Variants in ZNF268 observed in about 807,000 individuals in gnomAD.
ZNF268 encodes the protein zinc finger protein 3.
Under a neutral mutation model 29.3 loss-of-function variants are expected in ZNF268, and 20 were observed. The ratio of observed to expected loss-of-function variants is 0.68; its 90% confidence interval spans 0.48 to 0.99. The LOEUF (loss-of-function observed/expected upper bound fraction) is 0.99. ZNF268 is among the 50% of genes least tolerant of loss of function. The probability of loss-of-function intolerance (pLI) is 0.00; values close to 1 mark genes in which losing one functional copy is unlikely to be tolerated. For missense variants in ZNF268, 1,240 were observed against 1,121.6 expected (o/e 1.11, Z -1.51); for synonymous variants, 429 against 376.9 (o/e 1.14, Z -1.60).
At chr12:133,187,281 AATTT>A (rs1303291974) in intron 2 of ZNF268, among the ~76,000 whole-genome samples, 6 of 150,172 alleles carry the variant, frequency 4.0e-5, no homozygotes, top group Non-Finnish European at 8.9e-5. Flanking sequence ...TTTTTTTCCT[AATTT>A]ATTTATTTAT....
chr12:133,191,445 C>A, intron 3 of ZNF268, 44 bp from the exon 4 acceptor site: 1 of 1,612,194 alleles, frequency 6.2e-7, no homozygotes, highest in Non-Finnish European at 8.5e-7. Flanking sequence ...TTTCCACAAA[C>A]CTAGTAAAAT....
intron 5 of ZNF268, among the ~76,000 whole-genome samples, chr12:133,194,881 C>T (rs1956557492): frequency 6.6e-6 from 1 of 152,352 alleles, no homozygotes; most frequent in Middle Eastern, 3.4e-3. Context: ...CATCCATCTT[C>T]AGATATTTGC....
intron 5 of ZNF268, among the ~76,000 whole-genome samples, chr12:133,195,190 A>G (rs1408575678): frequency 6.6e-6 from 1 of 152,082 alleles, no homozygotes; most frequent in Non-Finnish European, 1.5e-5. Flanking sequence ...CTCCAAGCAT[A>G]ATTTCCTTTT....
Position 133,204,386 on chromosome 12 carries a change from C to T in ZNF268, c.2700C>T (p.Thr900=). 1.3e-6 allele frequency: 2 copies of T among 1,571,408 alleles called. No homozygotes were observed. The highest frequency in any genetic ancestry group is 1.7e-6 in the Non-Finnish European group (2 of 1,162,828). The change falls in exon 6 of 6, where the codon ACC becomes ACT. Residue 900 remains threonine (T), a synonymous_variant. Coordinates refer to ENST00000536435, the MANE Select transcript of ZNF268 (RefSeq NM_003415.3). ...ATGGGTGCAATGAATGTGGGAAAAC[C>T]TTCTCTCAAAAATCAATTCTCAGTG... The part of the protein sequence containing the change: ...KPYGCNECGK[T]FSQKSILSAH...
chr12:133,204,512 T>C lies in ZNF268; in HGVS notation c.2826T>C (p.His942=), dbSNP rs1168496703. Residue 942 remains histidine, a synonymous_variant, in exon 6 of 6, where the codon CAT becomes CAC. Coordinates refer to ENST00000536435, the MANE Select transcript of ZNF268 (RefSeq NM_003415.3). ...AGCTCATTATGCATCAGAGAACTCATGTAGATGACAAACATTGATAATTTT... is the reference window on the plus strand; with the variant it reads ...AGCTCATTATGCATCAGAGAACTCACGTAGATGACAAACATTGATAATTTT... The part of the protein sequence containing the change: ...KSQLIMHQRT[H]VDDKH 7.3e-6 allele frequency: 11 copies of C among 1,508,814 alleles called. No homozygotes were observed. The East Asian group carries it at 7.4e-5, about 10-fold the overall frequency. 93.5% of individuals were successfully genotyped at this position (1,508,814 alleles called of 1,614,324 possible).
At chr12:133,184,544 T>C (rs1956259607) in intron 2 of ZNF268, 1 of 268,954 alleles carries the variant, frequency 3.7e-6, no homozygotes, top group Admixed American at 3.6e-5. Context: ...TTTAAGAGGG[T>C]ATTAATCCCA....
rs1223672116 is a variant in ZNF268, at chr12:133,205,144, TAAAAAAAAAA to T, written c.*634_*643del. On this transcript the variant is annotated 3_prime_UTR_variant, in exon 6 of 6. Transcript: ENST00000536435. ...TAACCTCACCTTAGAAGCTTCATTC[TAAAAAAAAAA>T]AAAAAAAAAAAAAAAAAAACCAACC... 7 of 42,310 alleles carry T rather than the reference TAAAAAAAAAA, an allele frequency of 1.7e-4. No homozygotes were observed. The South Asian group carries it at 4.2e-3, about 26-fold the overall frequency. The allele number at this position is 42,310 out of a possible 1,614,324, so 2.6% of individuals were successfully genotyped here.
At chr12:133,198,741 G>T (rs1956678619) in intron 5 of ZNF268, among the ~76,000 whole-genome samples, 3 of 149,926 alleles carry the variant, frequency 2.0e-5, no homozygotes, top group African/African-American at 7.4e-5. Context: ...TCCTTGAAGA[G>T]GTCCTTCACA....
Position 133,203,734 on chromosome 12 carries a change from T to C in ZNF268, c.2048T>C (p.Leu683Pro), listed in dbSNP as rs368574793. ...CAKTFSLKSQLIVHQRSHTGV... is the reference protein window; with the variant it reads ...CAKTFSLKSQPIVHQRSHTGV... ...AAAACCTTTAGTTTGAAGTCCCAGCTCATTGTACATCAGAGAAGTCACACA... is the reference window on the plus strand; with the variant it reads ...AAAACCTTTAGTTTGAAGTCCCAGCCCATTGTACATCAGAGAAGTCACACA... The change falls in exon 6 of 6, where the codon CTC becomes CCC. Residue 683 changes from leucine (L) to proline (P), a missense_variant. By Grantham distance (98) the Leu-to-Pro change is moderately conservative (BLOSUM62 -3). Transcript: ENST00000536435. The C allele has an allele frequency of 7.3e-5, 113 of 1,553,790 alleles. No individual in the cohort carries two copies. Among genetic ancestry groups the C allele is most frequent in the Non-Finnish European group, 9.2e-5 (106 of 1,155,938 alleles).
At chr12:133,182,930 G>C (rs1178678717) in intron 2 of ZNF268, among the ~76,000 whole-genome samples, 1 of 152,204 alleles carries the variant, frequency 6.6e-6, no homozygotes, top group Non-Finnish European at 1.5e-5. Context: ...CTTCAGACTG[G>C]TACCAGTCTG....
At chr12:133,183,163 G>A (rs1385755079) in intron 2 of ZNF268, among the ~76,000 whole-genome samples, 2 of 152,172 alleles carry the variant, frequency 1.3e-5, no homozygotes, top group African/African-American at 2.4e-5. Context: ...CGCCGCACCC[G>A]ACTGCCCGTC....
At chr12:133,192,161 G>A in intron 5 of ZNF268, 158 bp downstream of exon 5, 1 of 585,870 alleles carries the variant, frequency 1.7e-6, no homozygotes, top group Non-Finnish European at 2.9e-6. Flanking sequence ...AGGCTGGGGT[G>A]CAGTGGCGTG....
chr12:133,184,102 C>T lies in ZNF268; in HGVS notation c.33+2072C>T, dbSNP rs561304230. 8.7e-5 allele frequency among the ~76,000 whole-genome samples: 13 copies of T among 150,254 alleles called. No homozygotes were observed. In the East Asian group the frequency reaches 2.5e-3, roughly 29 times the overall value. On this transcript the variant is annotated intron_variant, in intron 2 of 5. Transcript: ENST00000536435. ...TGAATTTGGTATCTGATGAGGCCTG[C>T]TTTCTTGTTTTCTTTTTTTTTTTGG...
chr12:133,214,701 A>G lies in ZNF268; in HGVS notation c.*10171A>G, dbSNP rs1324114082. On this transcript the variant is annotated 3_prime_UTR_variant, in exon 6 of 6. Coordinates refer to ENST00000536435, the MANE Select transcript of ZNF268 (RefSeq NM_003415.3). ...GGAGGATTTCCTTTGGGGTGATGAA[A>G]CTATTTTGGAACTAAGAGGTGGTGG... 1 of 152,202 alleles carries G rather than the reference A, an allele frequency of 6.6e-6. No individual in the cohort carries two copies. Among genetic ancestry groups the G allele is most frequent in the African/African-American group, 2.4e-5 (1 of 41,450 alleles). 9.4% of individuals were successfully genotyped at this position (152,202 alleles called of 1,614,324 possible). A position where few individuals can be genotyped will look rare whatever the true frequency, so the allele number is the denominator to read the frequency against.
rs776383177 is a variant in ZNF268, at chr12:133,203,281, A to G, written c.1595A>G (p.Asn532Ser). 34 of 1,539,318 alleles carry G rather than the reference A, an allele frequency of 2.2e-5. No homozygotes were observed. Among genetic ancestry groups the G allele is most frequent in the Middle Eastern group, 1.7e-4 (1 of 6,012 alleles). The change falls in exon 6 of 6, where the codon AAT (asparagine) becomes AGT (serine). Residue 532 changes from asparagine to serine, a missense_variant. Physicochemically the swap from Asn to Ser is conservative, Grantham distance 46. Coordinates refer to ENST00000536435, the MANE Select transcript of ZNF268 (RefSeq NM_003415.3). ...GGAGAAAAACTCCATGAATGCAACA[A>G]TTGTGGGAAAGCCTTCAGTTTTAAA... The part of the protein sequence containing the change: ...HTGEKLHECN[N>S]CGKAFSFKSQ...
In ZNF268 at chr12:133,205,175, C is replaced by CAAAAAAAAAAAAAAAAA. The variant is rs1343948566; in HGVS notation, c.*647_*648insAAAAAAAAAAAAAAAAA. 22 of 21,794 alleles carry CAAAAAAAAAAAAAAAAA rather than the reference C, an allele frequency of 1.0e-3. No individual in the cohort carries two copies. Among genetic ancestry groups the CAAAAAAAAAAAAAAAAA allele is most frequent in the Non-Finnish European group, 1.9e-3 (15 of 7,764 alleles). 1.4% of individuals were successfully genotyped at this position (21,794 alleles called of 1,614,324 possible). A position where few individuals can be genotyped will look rare whatever the true frequency, so the allele number is the denominator to read the frequency against. On this transcript the variant is annotated 3_prime_UTR_variant, in exon 6 of 6. Transcript: ENST00000536435. ...AAAAAAAAAAAAAAAAAAAAAAAACCAACCTGTTATTATATCTTAATATTA... is the reference window on the plus strand; with the variant it reads ...AAAAAAAAAAAAAAAAAAAAAAAACCAAAAAAAAAAAAAAAAAAACCTGTTATTATATCTTAATATTA...
At chr12:133,185,623 C>T (rs7313869) in intron 2 of ZNF268, among the ~76,000 whole-genome samples, 15,592 of 151,176 alleles carry the variant, frequency 0.1, 1,639 homozygotes, top group African/African-American at 0.27. Context: ...CCATGGGGCC[C>T]GGGAGAGTGT....
At position 133,191,501 on chromosome 12, in the gene ZNF268, T is replaced by G; in HGVS notation, c.247T>G (p.Phe83Val). The change falls in exon 4 of 6, where the codon TTC becomes GTC. Residue 83 changes from phenylalanine to valine, a missense_variant. Phe to Val is a conservative substitution (Grantham distance 50). Around this residue, in one of 3 missense-constraint regions of ZNF268, gnomAD observed 1,177 missense variants for 1,039.6 expected, o/e 1.13. Transcript: ENST00000536435. ...KITKSWGPLS[F>V]MDVFVDFTWE... ...TATTGTATTTCAGGGACCTTTGTCA[T>G]TCATGGATGTGTTTGTGGATTTTAC... 1 of 1,614,030 alleles carries G rather than the reference T, an allele frequency of 6.2e-7. No homozygotes were observed. The highest frequency in any genetic ancestry group is 8.5e-7 in the Non-Finnish European group (1 of 1,179,926).
chr12:133,182,036 T>G lies in ZNF268; in HGVS notation c.33+6T>G. ...TCCGGACAGCTTCTATTTGGGTGAG[T>G]AGGGGTTTTCTTTCATTCTTGAAAA... On this transcript the variant is annotated splice_donor_region_variant and intron_variant, in intron 2 of 5. Transcript: ENST00000536435. 1 of 1,559,642 alleles carries G rather than the reference T, an allele frequency of 6.4e-7. No individual in the cohort carries two copies. The highest frequency in any genetic ancestry group is 1.4e-5 in the African/African-American group (1 of 73,522).
Sources: gnomAD v4.1 joint callset for allele counts (sites outside exome capture counted in the v4.1 genomes callset) on GRCh38, gnomAD v4.1.1 for gene constraint, gnomAD v4.1.1 regional missense constraint, MANE v1.5 for transcripts, NCBI Gene and HGNC (gene_info 2026-07-23, HGNC 2026-07-21) for gene names.